Variants in DAB1 observed in about 807,000 individuals in gnomAD.
DAB1 encodes the protein disabled homolog 1.
DAB1 carries 15 observed loss-of-function variants against 64.6 expected under a neutral mutation model. That is an observed-to-expected ratio of 0.23 (90% confidence interval 0.16 to 0.36). The LOEUF is 0.36. DAB1 is among the 10% of genes least tolerant of loss of function. The pLI is 1.00. For missense variants in DAB1, 596 were observed against 706.7 expected (o/e 0.84, Z 1.78); for synonymous variants, 235 against 251.9 (o/e 0.93, Z 0.64).
Position 58,056,182 on chromosome 1 carries a change from C to T in DAB1, n.387+94329G>A, listed in dbSNP as rs138557315. 9.0e-5 allele frequency: 139 copies of T among 1,541,546 alleles called. 1 individual carries two copies. In the Middle Eastern group the frequency reaches 2.3e-3, roughly 26 times the overall value. On this transcript the variant is annotated intron_variant and non_coding_transcript_variant, in intron 5 of 20. Transcript: ENST00000485760. The stretch of plus-strand genomic sequence containing the variant: ...TGGGGCAGCACCCGCAGGTCTAAAT[C>T]GGGATGGGGGTGTTCGGTCCTTGCG...
At chr1:57,461,647 C>G (rs1686782791) in intron 7 of DAB1, among the ~76,000 whole-genome samples, 1 of 152,236 alleles carries the variant, frequency 6.6e-6, no homozygotes, top group Non-Finnish European at 1.5e-5. Context: ...ATGCCCCCAA[C>G]TGCTCAATTT....
intron 5 of DAB1, among the ~76,000 whole-genome samples, chr1:58,137,962 T>G (rs892822903): frequency 6.6e-6 from 1 of 152,116 alleles, no homozygotes; most frequent in Admixed American, 6.6e-5. Context: ...GGTCTGACAT[T>G]TGAGGGTTGG....
intron 5 of DAB1, among the ~76,000 whole-genome samples, chr1:57,997,003 A>G (rs1259154795): frequency 1.3e-5 from 2 of 152,100 alleles, no homozygotes; most frequent in Non-Finnish European, 2.9e-5. Context: ...GAAAACCATC[A>G]GGTGATGGTC....
chr1:58,416,186 A>G (rs1041613452), intron 3 of DAB1, among the ~76,000 whole-genome samples: 6 of 152,220 alleles, frequency 3.9e-5, no homozygotes, highest in South Asian at 2.1e-4. Context: ...CAGAGCCTCA[A>G]TTGTACTCTG....
chr1:58,508,922 C>T (rs1053304551), intron 2 of DAB1, among the ~76,000 whole-genome samples: 1 of 152,132 alleles, frequency 6.6e-6, no homozygotes, highest in African/African-American at 2.4e-5. Flanking sequence ...TCTGTCTCAT[C>T]TGTCTTGTAG....
At chr1:57,536,428 A>C (rs1158639247) in intron 7 of DAB1, among the ~76,000 whole-genome samples, 1 of 152,196 alleles carries the variant, frequency 6.6e-6, no homozygotes. Context: ...CCTTGACAAA[A>C]TCTGAAGTTG....
At chr1:57,956,087 C>CTA (rs1645386522) in intron 5 of DAB1, among the ~76,000 whole-genome samples, 2 of 152,136 alleles carry the variant, frequency 1.3e-5, no homozygotes, top group East Asian at 3.9e-4. Context: ...TCTGTTGTGT[C>CTA]AGAGGAAGGC....
At chr1:58,133,345 G>A (rs1042198553) in intron 5 of DAB1, among the ~76,000 whole-genome samples, 2 of 152,134 alleles carry the variant, frequency 1.3e-5, no homozygotes, top group African/African-American at 2.4e-5. Context: ...GGTCACTCAG[G>A]AATCGTACTC....
intron 1 of DAB1, chr1:57,864,653 A>AAATTATTT (rs1553137252): frequency 5.1e-5 from 5 of 97,894 alleles, no homozygotes; most frequent in Non-Finnish European, 1.0e-4. Context: ...TTTTTAAAAA[A>AAATTATTT]ATTTATTTAT....
At chr1:58,031,949 C>T (rs1308605809) in intron 5 of DAB1, among the ~76,000 whole-genome samples, 1 of 151,276 alleles carries the variant, frequency 6.6e-6, no homozygotes, top group Non-Finnish European at 1.5e-5. Context: ...AAAATCTTCC[C>T]TTTGCTCCAT....
intron 4 of DAB1, among the ~76,000 whole-genome samples, chr1:58,190,267 G>C (rs1297418175): frequency 6.6e-6 from 1 of 152,174 alleles, no homozygotes; most frequent in African/African-American, 2.4e-5. Context: ...TTGGGTCAAA[G>C]ATGGAGAAAG....
At chr1:57,546,972 A>G (rs909207371) in intron 7 of DAB1, among the ~76,000 whole-genome samples, 2 of 152,172 alleles carry the variant, frequency 1.3e-5, no homozygotes, top group Non-Finnish European at 2.9e-5. Context: ...AATTTTTTCT[A>G]TTTAAAGCAT....
intron 14 of DAB1, among the ~76,000 whole-genome samples, chr1:57,008,344 T>C (rs1831871): frequency 0.28 from 42,464 of 152,014 alleles, 8,804 homozygotes; most frequent in African/African-American, 0.57. Context: ...CAACCAATGG[T>C]CTTATACATG....
chr1:57,978,757 G>T (rs1447692811), intron 5 of DAB1, among the ~76,000 whole-genome samples: 1 of 152,092 alleles, frequency 6.6e-6, no homozygotes, highest in Non-Finnish European at 1.5e-5. Flanking sequence ...ATGGGCAAAG[G>T]ATATGAACAG....
intron 2 of DAB1, among the ~76,000 whole-genome samples, chr1:57,269,929 C>T (rs1296271556): frequency 6.6e-6 from 1 of 152,144 alleles, no homozygotes; most frequent in Non-Finnish European, 1.5e-5. Context: ...GAACGCTTGG[C>T]ATTTGGTCAC....
chr1:57,283,875 G>T (rs1311777937), intron 2 of DAB1, among the ~76,000 whole-genome samples: 1 of 152,158 alleles, frequency 6.6e-6, no homozygotes, highest in Non-Finnish European at 1.5e-5. Context: ...TTCCTCTTGA[G>T]ACCTCACCTG....
At chr1:57,244,160 C>T (rs113830501) in intron 2 of DAB1, among the ~76,000 whole-genome samples, 4 of 152,246 alleles carry the variant, frequency 2.6e-5, no homozygotes, top group African/African-American at 7.2e-5. Context: ...ATTCCAATTG[C>T]ATTTTCTGTC....
intron 3 of DAB1, among the ~76,000 whole-genome samples, chr1:58,441,423 T>C (rs530634294): frequency 3.6e-4 from 55 of 152,252 alleles, no homozygotes; most frequent in African/African-American, 1.2e-3. Flanking sequence ...ATTGTTATCA[T>C]GACTATTGTT....
At chr1:57,745,025 T>G (rs1396164805) in intron 6 of DAB1, among the ~76,000 whole-genome samples, 1 of 152,202 alleles carries the variant, frequency 6.6e-6, no homozygotes, top group African/African-American at 2.4e-5. Flanking sequence ...ATGAATCTCA[T>G]GTCAGAAAAT....
Sources: gnomAD v4.1 joint callset for allele counts (sites outside exome capture counted in the v4.1 genomes callset) on GRCh38, gnomAD v4.1.1 for gene constraint, MANE v1.5 for transcripts, NCBI Gene and HGNC (gene_info 2026-07-23, HGNC 2026-07-21) for gene names.